The following FHAD1 variants were observed in gnomAD, a reference collection of about 807,000 sequenced individuals.
FHAD1 encodes the protein forkhead-associated domain-containing protein 1.
FHAD1 carries 146 observed loss-of-function variants against 191.3 expected under a neutral mutation model. The observed-to-expected ratio is 0.76, with a 90% CI of 0.67 to 0.88. The LOEUF is 0.88. Among genes scored for constraint, FHAD1 ranks in the 40% least tolerant of loss-of-function variants. The pLI is 0.00. For missense variants in FHAD1, 1,635 were observed against 1,785.8 expected, an observed-to-expected ratio of 0.92 and a Z score of 1.52; for synonymous variants, 616 against 672.3, an observed-to-expected ratio of 0.92 and a Z score of 1.29.
chr1:15,297,943 G>A (rs183929715), intron 5 of FHAD1, among the ~76,000 whole-genome samples: 1 of 152,028 alleles, frequency 6.6e-6, no homozygotes, highest in Admixed American at 6.5e-5. Context: ...GAGTAAACTA[G>A]TACAGCCAAT....
Position 15,382,183 on chromosome 1 carries a change from G to A in FHAD1, c.4178G>A (p.Arg1393Gln), listed in dbSNP as rs375422050. The change falls in exon 31 of 34, where the codon CGG becomes CAG. Residue 1393 changes from arginine to glutamine, a missense_variant. Physicochemically the swap from Arg to Gln is conservative, Grantham distance 43. Transcript: ENST00000688493. The stretch of plus-strand genomic sequence containing the variant: ...GAGAAGAGGATCAACAGGGCCATCC[G>A]GCAGCAGAAGGTGAGGCGCTGCTGC... The part of the protein sequence containing the change: ...CQEKRINRAI[R>Q]QQKESVEEHE... 1.8e-5 allele frequency: 28 copies of A among 1,550,998 alleles called. No individual in the cohort carries two copies. Among genetic ancestry groups the A allele is most frequent in the East Asian group, 4.9e-5 (2 of 40,856 alleles).
rs199902331 is a variant in FHAD1 at position 15,258,578 on chromosome 1, GTC to G, written c.93+6707_93+6708del. ...TAAACATGAGTGTCCAGATATCTCT[GTC>G]TCTCTTTTTTTTTTTTTTAATGGAG... On this transcript the variant is annotated intron_variant, in intron 2 of 33. Coordinates refer to ENST00000688493, the MANE Select transcript of FHAD1 (RefSeq NM_001391957.1). Among the ~76,000 whole-genome samples the G allele has an allele frequency of 1.1e-3, 160 of 142,288 alleles. 2 individuals carry two copies. The highest frequency in any genetic ancestry group is 2.3e-3 in the Admixed American group (32 of 14,086). 93.3% of individuals were successfully genotyped at this position (142,288 alleles called of 152,430 possible).
At chr1:15,315,007 C>T (rs566339563) in intron 8 of FHAD1, 2 of 152,048 alleles carry the variant, frequency 1.3e-5, no homozygotes, top group South Asian at 2.1e-4. Flanking sequence ...ATTTGGGTTA[C>T]TTGTGTCCCC....
chr1:15,316,447 G>A lies in FHAD1; in HGVS notation c.1240G>A (p.Glu414Lys). Residue 414 changes from glutamate (E) to lysine (K), a missense_variant, in exon 9 of 34, where the codon GAG (glutamate) becomes AAG (lysine). Transcript: ENST00000688493. This position sits in a 1 kb window ranked among gnomAD's most constrained non-coding sequence, Gnocchi z 4.3. ...GGAGCTCAGGGAAGCCCAGGAGAAA[G>A]AGTTAAAACTCTGCAAAACCGTGAG... ...HRELREAQEK[E>K]LKLCKTQIQD... The A allele has an allele frequency of 6.4e-7, 1 of 1,551,700 alleles. No individual in the cohort carries two copies.
chr1:15,320,488 T>C (rs1350574049), intron 10 of FHAD1, among the ~76,000 whole-genome samples: 1 of 152,236 alleles, frequency 6.6e-6, no homozygotes, highest in Non-Finnish European at 1.5e-5. Context: ...GTCTGTTTCT[T>C]TTTTTAATAT....
intron 3 of FHAD1, among the ~76,000 whole-genome samples, chr1:15,279,344 G>T (rs1659638523): frequency 6.6e-6 from 1 of 152,132 alleles, no homozygotes; most frequent in South Asian, 2.1e-4. Context: ...AGAAGTAGCT[G>T]AAGTTATTTT....
intron 7 of FHAD1, among the ~76,000 whole-genome samples, chr1:15,309,327 G>A (rs568749065): frequency 6.6e-5 from 10 of 152,340 alleles, no homozygotes; most frequent in African/African-American, 2.4e-4. Context: ...TGGAGCAGCT[G>A]CTAGATGCCA....
At chr1:15,274,242 A>G (rs1657357359) in intron 3 of FHAD1, among the ~76,000 whole-genome samples, 1 of 152,182 alleles carries the variant, frequency 6.6e-6, no homozygotes, top group African/African-American at 2.4e-5. Context: ...TGTTTTAATC[A>G]CATAAGTGTG....
chr1:15,375,594 C>A lies in FHAD1; in HGVS notation c.3578-9C>A, dbSNP rs1318441767. ...CCTTTCTTTTGAGTCTACTTTATTT[C>A]TTTTACAGATCATAAAGACCACCAG... On this transcript the variant is annotated splice_polypyrimidine_tract_variant and intron_variant, in intron 27 of 33. Coordinates refer to ENST00000688493, the MANE Select transcript of FHAD1 (RefSeq NM_001391957.1). 1 of 1,517,154 alleles carries A rather than the reference C, an allele frequency of 6.6e-7. No individual in the cohort carries two copies. Among genetic ancestry groups the A allele is most frequent in the Non-Finnish European group, 8.8e-7 (1 of 1,136,392 alleles). The allele number at this position is 1,517,154 out of a possible 1,614,324, so 94.0% of individuals were successfully genotyped here.
chr1:15,259,166 G>A (rs1242209086), intron 2 of FHAD1, among the ~76,000 whole-genome samples: 1 of 152,078 alleles, frequency 6.6e-6, no homozygotes. Flanking sequence ...ACACATTGCT[G>A]TCTCAGCTCA....
chr1:15,395,687 T>C (rs143159097), intron 33 of FHAD1, among the ~76,000 whole-genome samples: 1 of 152,304 alleles, frequency 6.6e-6, no homozygotes, highest in Non-Finnish European at 1.5e-5. Context: ...CCCCCTTAAA[T>C]ATACTTCACT....
At chr1:15,374,662 G>A (rs1699047518) in intron 27 of FHAD1, 31 bp downstream of exon 27, 1 of 1,549,304 alleles carries the variant, frequency 6.5e-7, no homozygotes, top group African/African-American at 1.4e-5. Context: ...TCAGAGCAGT[G>A]GACCCCAGAC....
At chr1:15,290,123 C>T (rs528187319) in intron 4 of FHAD1, among the ~76,000 whole-genome samples, 4 of 152,292 alleles carry the variant, frequency 2.6e-5, no homozygotes, top group East Asian at 3.9e-4. Context: ...TGACTTCTCC[C>T]GAGGAAGTGT....
At position 15,301,249 on chromosome 1, in the gene FHAD1, A is replaced by T; in HGVS notation, c.723A>T (p.Ser241=). The change falls in exon 6 of 34, where the codon TCA becomes TCT. Residue 241 remains serine (S), a synonymous_variant. Coordinates refer to ENST00000688493, the MANE Select transcript of FHAD1 (RefSeq NM_001391957.1). ...TGGGAAAAGAGGTCAGCCGTCTCTC[A>T]GATTATGAAATTGAATCCAAATACA... The part of the protein sequence containing the change: ...LLLGKEVSRL[S]DYEIESKYKD... 6 of 1,551,788 alleles carry T rather than the reference A, an allele frequency of 3.9e-6. No homozygotes were observed. Among genetic ancestry groups the T allele is most frequent in the Non-Finnish European group, 5.2e-6 (6 of 1,147,026 alleles).
At chr1:15,313,304 C>T (rs1672863457) in intron 8 of FHAD1, 117 bp downstream of exon 8, 1 of 888,000 alleles carries the variant, frequency 1.1e-6, no homozygotes. Context: ...TCATTCCTTC[C>T]TCTCACACCA....
At chr1:15,305,772 T>C (rs1670282985) in intron 6 of FHAD1, 2 of 448,834 alleles carry the variant, frequency 4.5e-6, no homozygotes, top group South Asian at 1.6e-5. Flanking sequence ...TAAGAAGTGC[T>C]TTTCGCCTCC....
Position 15,382,386 on chromosome 1 carries a change from T to C in FHAD1, c.4188+193T>C, listed in dbSNP as rs529312085. On this transcript the variant is annotated intron_variant, in intron 31 of 33. Transcript: ENST00000688493. ...AGCTCAACCACTTGCTATGTGACCTTAGATAGGTTTCTTAACCTCTCTGAG... is the reference window on the plus strand; with the variant it reads ...AGCTCAACCACTTGCTATGTGACCTCAGATAGGTTTCTTAACCTCTCTGAG... 2.0e-5 allele frequency among the ~76,000 whole-genome samples: 3 copies of C among 152,330 alleles called. No individual in the cohort carries two copies. The South Asian group carries it at 6.2e-4, about 32-fold the overall frequency.
At position 15,381,313 on chromosome 1, in the gene FHAD1, G is replaced by A. The variant is rs1269797909; in HGVS notation, c.3884G>A (p.Arg1295His). The A allele has an allele frequency of 2.1e-5, 32 of 1,551,408 alleles. No individual in the cohort carries two copies. Among genetic ancestry groups the A allele is most frequent in the South Asian group, 4.8e-5 (4 of 84,060 alleles). Residue 1295 changes from arginine (R) to histidine (H), a missense_variant, in exon 30 of 34, where the codon CGC (arginine) becomes CAC (histidine). Transcript: ENST00000688493. This position sits in a 1 kb window ranked among gnomAD's most constrained non-coding sequence, Gnocchi z 4.6. ...SGHVSMKYLS[R>H]QEREKVNQLR... is the part of the protein sequence containing the mutation. ...CACGTGTCCATGAAATACCTCTCCC[G>A]CCAGGAGAGGGAGAAGGTCAACCAG...
intron 3 of FHAD1, among the ~76,000 whole-genome samples, chr1:15,286,383 G>A (rs1004143581): frequency 1.2e-4 from 18 of 151,916 alleles, no homozygotes; most frequent in African/African-American, 3.9e-4. Flanking sequence ...TGCGTCTATA[G>A]TCCAAGCTAC....
Sources: allele counts gnomAD v4.1 joint callset (sites outside exome capture counted in the v4.1 genomes callset), GRCh38; gene constraint gnomAD v4.1.1; non-coding constraint Gnocchi (gnomAD v3.1); transcripts MANE v1.5; gene names NCBI Gene and HGNC (gene_info 2026-07-23, HGNC 2026-07-21).